The following CNST variants were observed in gnomAD, a reference collection of about 807,000 sequenced individuals.
The protein encoded by CNST is consortin, connexin sorting protein.
Under a neutral mutation model 72.4 loss-of-function variants are expected in CNST, and 39 were observed. The ratio of observed to expected loss-of-function variants is 0.54; its 90% confidence interval spans 0.42 to 0.70. The LOEUF is 0.70. Among genes scored for constraint, CNST ranks in the 30% least tolerant of loss-of-function variants. CNST has a pLI of 0.00. For synonymous variants in CNST, 332 were observed against 320.1 expected (o/e 1.04, Z -0.40); for missense variants, 871 against 868.5 (o/e 1.00, Z -0.04).
chr1:246,616,106 T>C (rs1052951303), intron 2 of CNST, among the ~76,000 whole-genome samples: 12 of 152,224 alleles, frequency 7.9e-5, no homozygotes, highest in Non-Finnish European at 4.4e-5. Flanking sequence ...GAACTTTTTG[T>C]TCTTGTCTAG....
chr1:246,651,758 C>T (rs546739363), intron 9 of CNST, among the ~76,000 whole-genome samples: 6 of 152,120 alleles, frequency 3.9e-5, no homozygotes, highest in East Asian at 3.9e-4. Context: ...TAGCATGACA[C>T]GTTATCATCA....
chr1:246,652,700 G>A (rs1381946861), intron 9 of CNST, among the ~76,000 whole-genome samples: 1 of 151,964 alleles, frequency 6.6e-6, no homozygotes, highest in Non-Finnish European at 1.5e-5. Flanking sequence ...TTACTGCTTG[G>A]GTCTTTAGAA....
At chr1:246,587,510 A>C (rs1276916564) in intron 1 of CNST, among the ~76,000 whole-genome samples, 1 of 152,220 alleles carries the variant, frequency 6.6e-6, no homozygotes, top group Non-Finnish European at 1.5e-5. Context: ...AAGTATTTTC[A>C]AGTCTTAGAT....
chr1:246,633,637 G>A (rs578237858), intron 4 of CNST, among the ~76,000 whole-genome samples: 1 of 151,982 alleles, frequency 6.6e-6, no homozygotes, highest in East Asian at 1.9e-4. Flanking sequence ...CAGCTACCTG[G>A]GAGGCTGAGG....
intron 2 of CNST, among the ~76,000 whole-genome samples, chr1:246,597,349 G>A (rs1382657805): frequency 6.6e-6 from 1 of 152,090 alleles, no homozygotes; most frequent in Non-Finnish European, 1.5e-5. Context: ...TATCCTCCAG[G>A]AAGAAATCAC....
chr1:246,601,868 C>G (rs1439537400), intron 2 of CNST, among the ~76,000 whole-genome samples: 1 of 152,124 alleles, frequency 6.6e-6, no homozygotes, highest in Non-Finnish European at 1.5e-5. Flanking sequence ...AGAACTGACA[C>G]ACATTCACTG....
In CNST at chr1:246,641,963, A is replaced by G. The variant is rs115633389; in HGVS notation, c.863A>G (p.Gln288Arg). 0.012 allele frequency: 19,071 copies of G among 1,611,718 alleles called. 136 individuals carry two copies. Among genetic ancestry groups the G allele is most frequent in the Middle Eastern group, 0.023 (142 of 6,054 alleles). Residue 288 changes from glutamine (Q) to arginine (R), a missense_variant, in exon 8 of 11, where the codon CAG (glutamine) becomes CGG (arginine). Gln to Arg is a conservative substitution (Grantham distance 43). Coordinates refer to ENST00000366513, the MANE Select transcript of CNST (RefSeq NM_152609.3). ...KHKIAAVEKSQERKCSTQLLV... is the reference protein window; with the variant it reads ...KHKIAAVEKSRERKCSTQLLV... ...TAGATAGCAGCTGTGGAGAAGTCCC[A>G]GGAAAGGAAATGCTCCACGCAGTTA...
At chr1:246,614,071 G>T (rs1479708850) in intron 2 of CNST, among the ~76,000 whole-genome samples, 1 of 151,950 alleles carries the variant, frequency 6.6e-6, no homozygotes, top group East Asian at 1.9e-4. Flanking sequence ...TAACACTACA[G>T]GTTGAACATC....
intron 8 of CNST, among the ~76,000 whole-genome samples, chr1:246,645,296 GA>G (rs57232107): frequency 0.46 from 69,370 of 149,972 alleles, 17,250 homozygotes; most frequent in Non-Finnish European, 0.56. Flanking sequence ...GGGTGAAAAA[GA>G]AAGAAAAAAA....
chr1:246,575,182 C>G (rs879911105), intron 1 of CNST, among the ~76,000 whole-genome samples: 1 of 151,958 alleles, frequency 6.6e-6, no homozygotes, highest in Non-Finnish European at 1.5e-5. Flanking sequence ...TCAGTAGAGA[C>G]GGGGTTTCAT....
At chr1:246,575,686 TATTGA>T (rs1660358827) in intron 1 of CNST, among the ~76,000 whole-genome samples, 1 of 152,154 alleles carries the variant, frequency 6.6e-6, no homozygotes, top group South Asian at 2.1e-4. Context: ...TACTAAAAGC[TATTGA>T]ATTGTGCATT....
intron 4 of CNST, chr1:246,632,527 C>G (rs1382507293): frequency 1.1e-5 from 2 of 180,710 alleles, no homozygotes; most frequent in Non-Finnish European, 2.5e-5. Context: ...CAGTAAATCT[C>G]AAAGCTAGCT....
At chr1:246,569,013 C>T (rs1659896918) in intron 1 of CNST, among the ~76,000 whole-genome samples, 1 of 152,202 alleles carries the variant, frequency 6.6e-6, no homozygotes, top group South Asian at 2.1e-4. Context: ...GTATTACAGG[C>T]ATGAGCCACC....
At position 246,647,194 on chromosome 1, in the gene CNST, G is replaced by A. The variant is rs1666141122; in HGVS notation, c.993G>A (p.Glu331=). 1.9e-6 allele frequency: 3 copies of A among 1,613,964 alleles called. No homozygotes were observed. The highest frequency in any genetic ancestry group is 2.5e-6 in the Non-Finnish European group (3 of 1,180,004). The change falls in exon 9 of 11, where the codon GAG becomes GAA. Residue 331 remains glutamate (E), a synonymous_variant. Coordinates refer to ENST00000366513, the MANE Select transcript of CNST (RefSeq NM_152609.3). ...ESSKESQHTV[E]PLGSSPCCHQ... ...GTAAAGAAAGCCAACATACAGTGGAGCCCCTGGGGAGCAGTCCCTGCTGTC... is the reference window on the plus strand; with the variant it reads ...GTAAAGAAAGCCAACATACAGTGGAACCCCTGGGGAGCAGTCCCTGCTGTC...
rs535780893 is a variant in CNST at position 246,606,207 on chromosome 1, G to A, written c.379+14266G>A. On this transcript the variant is annotated intron_variant, in intron 2 of 10. Transcript: ENST00000366513. ...CTGTAGTTTCAACAAGAGTTTTAATGGCTTTTATTATCAGTGGGATACCAC... is the reference window on the plus strand; with the variant it reads ...CTGTAGTTTCAACAAGAGTTTTAATAGCTTTTATTATCAGTGGGATACCAC... 348 of 152,296 alleles carry A rather than the reference G, an allele frequency of 2.3e-3. 1 individual carries two copies. The highest frequency in any genetic ancestry group is 8.0e-3 in the African/African-American group (332 of 41,540). 9.4% of individuals were successfully genotyped at this position (152,296 alleles called of 1,614,324 possible). A position where few individuals can be genotyped will look rare whatever the true frequency, so the allele number is the denominator to read the frequency against.
At chr1:246,619,912 TAC>T (rs372944345) in intron 2 of CNST, among the ~76,000 whole-genome samples, 1,659 of 127,918 alleles carry the variant, frequency 0.013, 15 homozygotes, top group Middle Eastern at 0.047. Flanking sequence ...CAGTCGTGCA[TAC>T]ACACGATGGG....
At chr1:246,626,853 A>AT (rs1664471758) in intron 3 of CNST, among the ~76,000 whole-genome samples, 1 of 151,934 alleles carries the variant, frequency 6.6e-6, no homozygotes, top group Non-Finnish European at 1.5e-5. Context: ...TCAAACTTTG[A>AT]TTTTCTCCCG....
At chr1:246,660,445 G>T (rs567425477) in intron 10 of CNST, 111 bp downstream of exon 10, 32 of 1,216,000 alleles carry the variant, frequency 2.6e-5, no homozygotes, top group Non-Finnish European at 6.9e-6. Flanking sequence ...GACTATGTCC[G>T]CCAGGCACGG....
At chr1:246,576,825 A>G (rs1322419728) in intron 1 of CNST, among the ~76,000 whole-genome samples, 1 of 151,600 alleles carries the variant, frequency 6.6e-6, no homozygotes, top group African/African-American at 2.4e-5. Flanking sequence ...TTTTTATCCT[A>G]TTACCCCTTC....
Sources: gnomAD v4.1 joint callset for allele counts (sites outside exome capture counted in the v4.1 genomes callset) on GRCh38, gnomAD v4.1.1 for gene constraint, MANE v1.5 for transcripts, NCBI Gene and HGNC (gene_info 2026-07-23, HGNC 2026-07-21) for gene names.